The following CYREN variants were observed in gnomAD, a reference collection of about 807,000 sequenced individuals.
CYREN encodes the protein cell cycle regulator of NHEJ.
In CYREN, 7 loss-of-function variants were observed where a neutral mutation model predicts 9.7. That is an observed-to-expected ratio of 0.72 (90% CI 0.41 to 1.36). CYREN has a LOEUF of 1.36. Among genes scored for constraint, CYREN ranks in the 40% most tolerant of loss-of-function variants. The pLI is 0.01. For synonymous variants in CYREN, 76 were observed against 77.9 expected, an observed-to-expected ratio of 0.98 and a Z score of 0.13; for missense variants, 215 against 198.1, an observed-to-expected ratio of 1.09 and a Z score of -0.51.
intron 3 of CYREN, chr7:135,167,238 G>T: frequency 4.5e-6 from 5 of 1,100,818 alleles, no homozygotes; most frequent in Non-Finnish European, 4.4e-6. Flanking sequence ...ACACCACAGG[G>T]TTATTGCAAG....
At chr7:135,171,064 AG>A (rs1339858798), upstream of CYREN, among the ~76,000 whole-genome samples, 2 of 152,122 alleles carry the variant, frequency 1.3e-5, no homozygotes, top group Non-Finnish European at 2.9e-5. Flanking sequence ...CTGCTGGGCC[AG>A]GCCCCCCTCG....
chr7:135,165,156 G>A (rs560752107), downstream of CYREN: 57 of 792,828 alleles, frequency 7.2e-5, no homozygotes, highest in African/African-American at 9.1e-4. Flanking sequence ...CCGAGGGGCA[G>A]CAAGGGCAGC....
At chr7:135,123,916 C>T (rs1291367269) in intron 2 of CYREN, among the ~76,000 whole-genome samples, 1 of 152,118 alleles carries the variant, frequency 6.6e-6, no homozygotes, top group African/African-American at 2.4e-5. Flanking sequence ...AAAACAAAAA[C>T]CAGTACCAGC....
rs888659457 is a variant in CYREN at position 135,166,188 on chromosome 7, C to G, written c.*423G>C. On this transcript the variant is annotated 3_prime_UTR_variant, in exon 4 of 4. Transcript: ENST00000393114. Reference sequence around the variant, plus strand: ...GCTTCCTCCTTCAGGAGAGATCATGCGGACTAAACTGTAGCAATTCCAGTG... The same window carrying G: ...GCTTCCTCCTTCAGGAGAGATCATGGGGACTAAACTGTAGCAATTCCAGTG... The G allele has an allele frequency of 6.3e-6, 1 of 157,518 alleles. No homozygotes were observed. Among genetic ancestry groups the G allele is most frequent in the East Asian group, 1.9e-4 (1 of 5,396 alleles). 9.8% of individuals were successfully genotyped at this position (157,518 alleles called of 1,614,324 possible). A position where few individuals can be genotyped will look rare whatever the true frequency, so the allele number is the denominator to read the frequency against.
chr7:135,163,854 T>C (rs986717660), downstream of CYREN, among the ~76,000 whole-genome samples: 21 of 152,208 alleles, frequency 1.4e-4, no homozygotes, highest in Non-Finnish European at 2.9e-4. Context: ...CAGGCTCACC[T>C]TCGAATGAGC....
At chr7:135,119,258 C>A (rs1331102190) in intron 2 of CYREN, among the ~76,000 whole-genome samples, 2 of 151,108 alleles carry the variant, frequency 1.3e-5, no homozygotes, top group African/African-American at 2.4e-5. Flanking sequence ...GAGACAAAGT[C>A]TTGCTCAGTT....
intron 2 of CYREN, among the ~76,000 whole-genome samples, chr7:135,152,622 AATT>A (rs1365219006): frequency 2.6e-5 from 4 of 152,308 alleles, no homozygotes; most frequent in African/African-American, 9.6e-5. Context: ...GTCTGTTTTT[AATT>A]ATTAATAAGT....
chr7:135,125,056 A>G (rs543224348), intron 2 of CYREN, among the ~76,000 whole-genome samples: 1 of 152,200 alleles, frequency 6.6e-6, no homozygotes. Flanking sequence ...AGATTAGAGC[A>G]GAATTGAAGG....
chr7:135,096,783 G>GAAAT (rs1216161874), intron 2 of CYREN, among the ~76,000 whole-genome samples: 13 of 148,866 alleles, frequency 8.7e-5, no homozygotes, highest in African/African-American at 3.3e-4. Flanking sequence ...AAGAAAGAAA[G>GAAAT]AAAGAAAGAA....
chr7:135,149,906 TGTG>T (rs1248804513), intron 2 of CYREN, among the ~76,000 whole-genome samples: 6 of 152,236 alleles, frequency 3.9e-5, no homozygotes, highest in Non-Finnish European at 8.8e-5. Flanking sequence ...ATTTCATAGT[TGTG>T]GTAGATATTT....
At chr7:135,147,379 C>A (rs2117411728) in intron 2 of CYREN, among the ~76,000 whole-genome samples, 2 of 152,216 alleles carry the variant, frequency 1.3e-5, no homozygotes, top group South Asian at 4.2e-4. Flanking sequence ...AGAAGAGAAC[C>A]GCTGAAGGAT....
chr7:135,158,860 A>G (rs990679535), intron 2 of CYREN, among the ~76,000 whole-genome samples: 5 of 152,190 alleles, frequency 3.3e-5, no homozygotes, highest in Non-Finnish European at 4.4e-5. Flanking sequence ...GAGTCCCAGT[A>G]TCTAGGCTCT....
chr7:135,100,207 A>G (rs75712520), intron 2 of CYREN: 4 of 151,416 alleles, frequency 2.6e-5, no homozygotes, highest in African/African-American at 4.8e-5. Context: ...AAAAAAAAAA[A>G]CACTGGTGGC....
exon 3 of CYREN, chr7:135,092,585 T>G (rs1249547066): frequency 6.6e-6 from 1 of 152,156 alleles, no homozygotes; most frequent in Non-Finnish European, 1.5e-5. Flanking sequence ...GCAGAGTGGG[T>G]GACAAGTAAA....
chr7:135,093,285 G>A (rs573478397), exon 3 of CYREN: 40 of 151,482 alleles, frequency 2.6e-4, no homozygotes, highest in African/African-American at 9.2e-4. Context: ...TAGAAAATCC[G>A]AAGGAACACA....
intron 2 of CYREN, among the ~76,000 whole-genome samples, chr7:135,123,350 G>T (rs1405175936): frequency 6.6e-6 from 1 of 152,060 alleles, no homozygotes; most frequent in Non-Finnish European, 1.5e-5. Flanking sequence ...AGAGAAAAAA[G>T]AATAAAAAGG....
At chr7:135,143,934 C>G (rs1292522618) in intron 2 of CYREN, among the ~76,000 whole-genome samples, 1 of 152,168 alleles carries the variant, frequency 6.6e-6, no homozygotes, top group Non-Finnish European at 1.5e-5. Context: ...AGAAGGGAAA[C>G]TCCACTGTGG....
At chr7:135,110,532 G>A (rs1825477288) in intron 2 of CYREN, among the ~76,000 whole-genome samples, 1 of 152,152 alleles carries the variant, frequency 6.6e-6, no homozygotes, top group African/African-American at 2.4e-5. Context: ...AAAGATCTGT[G>A]GGAGAAGCGT....
intron 2 of CYREN, chr7:135,135,792 T>G (rs1448347421): frequency 1.3e-5 from 2 of 152,182 alleles, no homozygotes; most frequent in African/African-American, 4.8e-5. Flanking sequence ...AGTGTTAAGT[T>G]GTGCACTTCC....
Sources: allele counts gnomAD v4.1 joint callset (sites outside exome capture counted in the v4.1 genomes callset), GRCh38; gene constraint gnomAD v4.1.1; transcripts MANE v1.5; gene names NCBI Gene and HGNC (gene_info 2026-07-23, HGNC 2026-07-21).